CCDC178: variants seen among roughly 807,000 people sequenced by gnomAD.
The protein encoded by CCDC178 is coiled-coil domain-containing protein 178.
CCDC178 carries 126 observed loss-of-function variants against 117.4 expected under a neutral mutation model. That is an observed-to-expected ratio of 1.07 (90% confidence interval 0.93 to 1.24). The LOEUF is 1.24. Ranked by LOEUF, CCDC178 falls within the 50% of genes most tolerant of loss-of-function variation. CCDC178 has a pLI of 0.00. For synonymous variants in CCDC178, 283 were observed against 313.4 expected, an observed-to-expected ratio of 0.90 and a Z score of 1.02; for missense variants, 1,030 against 986.9, an observed-to-expected ratio of 1.04 and a Z score of -0.59.
At chr18:33,362,690 T>C (rs770914557) in intron 6 of CCDC178, among the ~76,000 whole-genome samples, 12 of 151,914 alleles carry the variant, frequency 7.9e-5, no homozygotes, top group Non-Finnish European at 1.6e-4. Context: ...AAACAGCATG[T>C]TGTAAACCTC....
chr18:33,325,048 A>G (rs1252917015), intron 10 of CCDC178, among the ~76,000 whole-genome samples: 1 of 151,778 alleles, frequency 6.6e-6, no homozygotes, highest in African/African-American at 2.4e-5. Context: ...TATATCTTTT[A>G]TTTCATTTTA....
chr18:33,390,754 T>C (rs185782833), intron 4 of CCDC178, among the ~76,000 whole-genome samples: 1 of 152,090 alleles, frequency 6.6e-6, no homozygotes, highest in East Asian at 1.9e-4. Context: ...TACACACTTA[T>C]CAAAATGTAT....
intron 20 of CCDC178, among the ~76,000 whole-genome samples, chr18:33,162,343 T>A (rs271492): frequency 1.3e-5 from 2 of 152,074 alleles, no homozygotes; most frequent in Non-Finnish European, 2.9e-5. Context: ...TTAAAAAAAA[T>A]AATTTGTTAA....
intron 21 of CCDC178, among the ~76,000 whole-genome samples, chr18:33,002,226 C>T (rs1044101790): frequency 6.6e-6 from 1 of 152,022 alleles, no homozygotes; most frequent in South Asian, 2.1e-4. Context: ...GCAGAATACA[C>T]ATTCTTATCC....
intron 20 of CCDC178, among the ~76,000 whole-genome samples, chr18:33,142,099 C>T (rs1013147920): frequency 9.9e-5 from 15 of 152,156 alleles, no homozygotes; most frequent in African/African-American, 2.9e-4. Context: ...CAGCTGAACA[C>T]GACTGTAATC....
At chr18:33,137,124 T>C (rs2058137893) in intron 20 of CCDC178, among the ~76,000 whole-genome samples, 2 of 152,158 alleles carry the variant, frequency 1.3e-5, no homozygotes, top group African/African-American at 4.8e-5. Flanking sequence ...TCTGGAAGTT[T>C]GAAATATTCC....
intron 20 of CCDC178, among the ~76,000 whole-genome samples, chr18:33,208,909 G>T (rs1428596472): frequency 6.6e-6 from 1 of 152,018 alleles, no homozygotes; most frequent in Admixed American, 6.6e-5. Flanking sequence ...TCTGGAAATT[G>T]TTCTTCCAGT....
At chr18:33,299,987 G>A (rs146345556) in intron 11 of CCDC178, among the ~76,000 whole-genome samples, 193 of 152,292 alleles carry the variant, frequency 1.3e-3, no homozygotes, top group African/African-American at 4.5e-3. Context: ...ATCTCATGCT[G>A]AGCCGTAATC....
intron 21 of CCDC178, among the ~76,000 whole-genome samples, chr18:33,029,931 A>G (rs1282520881): frequency 6.6e-6 from 1 of 151,994 alleles, no homozygotes; most frequent in Admixed American, 6.6e-5. Flanking sequence ...TGCTCTTGAG[A>G]AGAATATATA....
intron 5 of CCDC178, among the ~76,000 whole-genome samples, chr18:33,388,677 G>A (rs1041631828): frequency 2.0e-5 from 3 of 149,774 alleles, no homozygotes; most frequent in African/African-American, 7.4e-5. Context: ...CCGCCACTAC[G>A]CCCGGCTAAT....
intron 18 of CCDC178, among the ~76,000 whole-genome samples, chr18:33,216,093 G>A (rs891716805): frequency 6.6e-6 from 1 of 151,852 alleles, no homozygotes; most frequent in African/African-American, 2.4e-5. Flanking sequence ...GTGAGACCCT[G>A]TCTCTAAAAA....
At chr18:33,341,476 G>A (rs1432712154) in intron 9 of CCDC178, among the ~76,000 whole-genome samples, 1 of 152,126 alleles carries the variant, frequency 6.6e-6, no homozygotes, top group Non-Finnish European at 1.5e-5. Flanking sequence ...ATTTGGAGGG[G>A]CCAGTAGAAT....
chr18:33,290,973 C>T lies in CCDC178; in HGVS notation c.1176+2186G>A, dbSNP rs1056654535. Among the ~76,000 whole-genome samples the T allele has an allele frequency of 2.6e-4, 39 of 152,048 alleles. 1 individual carries two copies. Among genetic ancestry groups the T allele is most frequent in the Admixed American group, 2.5e-3 (38 of 15,256 alleles). On this transcript the variant is annotated intron_variant, in intron 12 of 22. Coordinates refer to ENST00000383096, the MANE Select transcript of CCDC178 (RefSeq NM_001105528.4). ...CTTATTAATTATGCATCACATCTGG[C>T]AAGTGAAACATGCATTCCAAAAATT...
chr18:33,371,786 C>T (rs572976413), intron 5 of CCDC178, among the ~76,000 whole-genome samples: 35 of 108,676 alleles, frequency 3.2e-4, no homozygotes, highest in African/African-American at 1.2e-3. Flanking sequence ...AACATATATA[C>T]ACACACACAC....
At chr18:33,383,716 C>T (rs2063463877) in intron 5 of CCDC178, among the ~76,000 whole-genome samples, 1 of 152,096 alleles carries the variant, frequency 6.6e-6, no homozygotes, top group Non-Finnish European at 1.5e-5. Context: ...GGTTATCAGC[C>T]TCAAAGATCA....
chr18:33,368,113 T>C lies in CCDC178; in HGVS notation c.348+1937A>G, dbSNP rs182171927. ...TGGAACTAAGTACAAATTCCAACTG[T>C]AGTGCTCACTACCTGTGTGATGTGT... On this transcript the variant is annotated intron_variant, in intron 6 of 22. Transcript: ENST00000383096. Among the ~76,000 whole-genome samples the C allele has an allele frequency of 4.9e-4, 75 of 152,138 alleles. 1 individual carries two copies. Among genetic ancestry groups the C allele is most frequent in the Admixed American group, 4.3e-3 (66 of 15,240 alleles).
At chr18:33,214,593 T>G (rs1397530673) in intron 19 of CCDC178, among the ~76,000 whole-genome samples, 1 of 152,060 alleles carries the variant, frequency 6.6e-6, no homozygotes, top group African/African-American at 2.4e-5. Context: ...CCCAAGCTAT[T>G]CTTACAGGTA....
intron 20 of CCDC178, among the ~76,000 whole-genome samples, chr18:33,193,552 A>T (rs2058888867): frequency 6.6e-6 from 1 of 152,148 alleles, no homozygotes; most frequent in Admixed American, 6.5e-5. Flanking sequence ...ACATTGCAAC[A>T]TTTTTTATAT....
intron 3 of CCDC178, among the ~76,000 whole-genome samples, chr18:33,411,827 T>A (rs945026202): frequency 1.3e-5 from 2 of 152,144 alleles, no homozygotes; most frequent in Non-Finnish European, 2.9e-5. Flanking sequence ...TAAAATAAAC[T>A]GATTATAATT....
Sources: gnomAD v4.1 joint callset for allele counts (sites outside exome capture counted in the v4.1 genomes callset) on GRCh38, gnomAD v4.1.1 for gene constraint, MANE v1.5 for transcripts, NCBI Gene and HGNC (gene_info 2026-07-23, HGNC 2026-07-21) for gene names.